The following RTN4 variants were observed in gnomAD, a reference collection of about 807,000 sequenced individuals.
RTN4 encodes the protein reticulon 4.
A neutral mutation model predicts 90.4 loss-of-function variants in RTN4; 32 were observed. That is an observed-to-expected ratio of 0.35 (90% CI 0.27 to 0.48). The LOEUF is 0.48. Among genes scored for constraint, RTN4 ranks in the 20% least tolerant of loss-of-function variants. The pLI is 0.99. For synonymous variants in RTN4, 629 were observed against 552.5 expected (o/e 1.14, Z -1.94); for missense variants, 1,706 against 1,430.2 (o/e 1.19, Z -3.11).
the RTN4 span, among the ~76,000 whole-genome samples, chr2:55,122,609 C>A: frequency 6.6e-6 from 1 of 152,234 alleles, no homozygotes; most frequent in African/African-American, 2.4e-5. Flanking sequence ...GCAGTCCATG[C>A]ACACATGGGT....
At position 55,037,680 on chromosome 2, in the gene RTN4, T is replaced by C. The variant is rs62134851; in HGVS notation, c.557-9460A>G. Among the ~76,000 whole-genome samples, 550 of 152,300 alleles carry C rather than the reference T, an allele frequency of 3.6e-3. 2 individuals are homozygous for C. The highest frequency in any genetic ancestry group is 5.7e-3 in the Non-Finnish European group (389 of 68,010). On this transcript the variant is annotated intron_variant, in intron 1 of 8. Transcript: ENST00000337526. Reference sequence around the variant, plus strand: ...ACTATGACAGGCTAACTTGTTACCTTTGAAGTAGTGTAAAATCTCAAATCC... The same window carrying C: ...ACTATGACAGGCTAACTTGTTACCTCTGAAGTAGTGTAAAATCTCAAATCC...
At chr2:55,087,648 A>G (rs1357585169) in intron 1 of RTN4, among the ~76,000 whole-genome samples, 3 of 152,084 alleles carry the variant, frequency 2.0e-5, no homozygotes, top group African/African-American at 2.4e-5. Flanking sequence ...TGACACAAAG[A>G]CTGTTCTTAT....
At chr2:55,055,966 CTA>C (rs1274758645) in intron 2 of RTN4, among the ~76,000 whole-genome samples, 3 of 140,870 alleles carry the variant, frequency 2.1e-5, no homozygotes, top group Non-Finnish European at 4.5e-5. Context: ...ATTTATGTAT[CTA>C]TATATACATA....
chr2:55,010,076 A>G, intron 3 of RTN4: 1 of 1,613,028 alleles, frequency 6.2e-7, no homozygotes, highest in Non-Finnish European at 8.5e-7. Context: ...GAAATTAAAA[A>G]GCAGATATAC....
chr2:55,135,487 G>A, the RTN4 span, among the ~76,000 whole-genome samples: 11 of 152,154 alleles, frequency 7.2e-5, no homozygotes, highest in East Asian at 1.9e-4. Flanking sequence ...GATTACAGGC[G>A]TGAGCCACCA....
At chr2:55,059,413 G>A (rs1668249869) in intron 2 of RTN4, among the ~76,000 whole-genome samples, 1 of 151,786 alleles carries the variant, frequency 6.6e-6, no homozygotes, top group Non-Finnish European at 1.5e-5. Context: ...GAGTGCAGTG[G>A]TGCGATCACG....
At chr2:55,132,008 T>G in the RTN4 span, among the ~76,000 whole-genome samples, 1 of 152,236 alleles carries the variant, frequency 6.6e-6, no homozygotes, top group Non-Finnish European at 1.5e-5. Context: ...GAAGTCCTTA[T>G]GTGTTAAATA....
intron 1 of RTN4, among the ~76,000 whole-genome samples, chr2:55,105,210 C>A (rs531371757): frequency 6.6e-5 from 8 of 120,930 alleles, no homozygotes; most frequent in Admixed American, 6.4e-4. Flanking sequence ...GCCTTCCCCC[C>A]TTTTTTTGCT....
At chr2:55,089,504 G>A (rs908844748) in intron 1 of RTN4, among the ~76,000 whole-genome samples, 3 of 152,090 alleles carry the variant, frequency 2.0e-5, no homozygotes, top group Non-Finnish European at 1.5e-5. Context: ...GCCACTTTCC[G>A]GCATGATCTG....
At chr2:55,097,299 C>T (rs1213331738) in intron 1 of RTN4, among the ~76,000 whole-genome samples, 1 of 89,514 alleles carries the variant, frequency 1.1e-5, no homozygotes. Flanking sequence ...GAAATTCTGT[C>T]TCAAAAAAAA....
intron 1 of RTN4, among the ~76,000 whole-genome samples, chr2:55,107,939 C>A (rs1207102387): frequency 6.6e-6 from 1 of 152,024 alleles, no homozygotes; most frequent in Non-Finnish European, 1.5e-5. Flanking sequence ...CACACGTTTC[C>A]CATCCTGTTA....
chr2:55,094,291 A>T (rs1343448902), intron 1 of RTN4, among the ~76,000 whole-genome samples: 1 of 152,204 alleles, frequency 6.6e-6, no homozygotes, highest in African/African-American at 2.4e-5. Context: ...ATCCATCAGC[A>T]CCTGCATTTT....
intron 3 of RTN4, among the ~76,000 whole-genome samples, chr2:55,009,731 C>A (rs764411794): frequency 6.6e-6 from 1 of 152,138 alleles, no homozygotes; most frequent in Non-Finnish European, 1.5e-5. Flanking sequence ...AAAATAGTCA[C>A]GGAAAATATG....
chr2:55,024,978 G>A (rs1240797885), intron 3 of RTN4, 108 bp downstream of exon 3: 3 of 1,309,970 alleles, frequency 2.3e-6, no homozygotes, highest in South Asian at 1.5e-5. Flanking sequence ...TCTTACCAAT[G>A]TGACATATGA....
chr2:55,129,391 T>C, the RTN4 span, among the ~76,000 whole-genome samples: 142 of 152,012 alleles, frequency 9.3e-4, no homozygotes, highest in African/African-American at 3.2e-3. Flanking sequence ...TTGGGAAACA[T>C]AGAGAGACTG....
intron 1 of RTN4, among the ~76,000 whole-genome samples, chr2:55,085,650 T>C (rs1668823553): frequency 6.6e-6 from 1 of 152,192 alleles, no homozygotes; most frequent in Non-Finnish European, 1.5e-5. Flanking sequence ...CTGGGCACCA[T>C]AGCCTAACAA....
intron 1 of RTN4, among the ~76,000 whole-genome samples, chr2:55,088,302 G>C (rs1328795024): frequency 2.0e-5 from 3 of 152,150 alleles, no homozygotes; most frequent in Non-Finnish European, 4.4e-5. Flanking sequence ...TTTTCTGTTT[G>C]GTCTGCATCA....
intron 2 of RTN4, among the ~76,000 whole-genome samples, chr2:55,067,547 G>T (rs1668417585): frequency 6.6e-6 from 1 of 152,008 alleles, no homozygotes. Flanking sequence ...CAAGTAGCTG[G>T]GATTACAGGC....
rs150164293 is a variant in RTN4, at chr2:55,099,545, A to G, written c.-214+12975T>C. On this transcript the variant is annotated intron_variant, in intron 1 of 3. Coordinates refer to the RTN4 transcript ENST00000427710. ...TCTTCAAGGAGCCTGGCTCTTTGAC[A>G]TGGGAAATGGTATTTCAGGACATCA... 1.3e-3 allele frequency among the ~76,000 whole-genome samples: 194 copies of G among 152,170 alleles called. 2 individuals carry two copies. The highest frequency in any genetic ancestry group is 4.4e-3 in the African/African-American group (184 of 41,474).
Sources: allele counts gnomAD v4.1 joint callset (sites outside exome capture counted in the v4.1 genomes callset), GRCh38; gene constraint gnomAD v4.1.1; transcripts MANE v1.5; gene names NCBI Gene and HGNC (gene_info 2026-07-23, HGNC 2026-07-21).